Variants in LINGO2 observed in about 807,000 individuals in gnomAD.
LINGO2 encodes leucine rich repeat and Ig domain containing 2.
A neutral mutation model predicts 30.6 loss-of-function variants in LINGO2; 14 were observed. The ratio of observed to expected loss-of-function variants is 0.46; its 90% CI spans 0.30 to 0.72. The LOEUF is 0.72. Among genes scored for constraint, LINGO2 ranks in the 30% least tolerant of loss-of-function variants. LINGO2 has a pLI of 0.07. For synonymous variants in LINGO2, 317 were observed against 288.5 expected (o/e 1.10, Z -1.00); for missense variants, 729 against 751.7 (o/e 0.97, Z 0.35).
At chr9:28,568,101 C>T (rs941070444) in intron 1 of LINGO2, among the ~76,000 whole-genome samples, 26 of 152,090 alleles carry the variant, frequency 1.7e-4, no homozygotes, top group African/African-American at 6.3e-4. Flanking sequence ...CTACTCTCAT[C>T]TCCCCACAGT....
intron 5 of LINGO2, among the ~76,000 whole-genome samples, chr9:28,005,026 G>A (rs538851024): frequency 6.6e-6 from 1 of 152,290 alleles, no homozygotes; most frequent in Admixed American, 6.5e-5. Flanking sequence ...CGCAAGAAGA[G>A]GGGAAATGTC....
the LINGO2 span, among the ~76,000 whole-genome samples, chr9:28,972,520 T>C: frequency 3.3e-5 from 5 of 152,108 alleles, no homozygotes; most frequent in African/African-American, 1.2e-4. Flanking sequence ...AAAAATACTC[T>C]GAAGAATGCA....
At position 28,099,318 on chromosome 9, in the gene LINGO2, A is replaced by G. The variant is rs533143571; in HGVS notation, c.-86-86913T>C. ...AAATACAACAAAATATCAGCAAACA[A>G]AAAGGCTTTTTATTTTTGAAAAATA... On this transcript the variant is annotated intron_variant, in intron 4 of 5. Transcript: ENST00000379992. Among the ~76,000 whole-genome samples, 99 of 152,288 alleles carry G rather than the reference A, an allele frequency of 6.5e-4. 1 individual carries two copies. The highest frequency in any genetic ancestry group is 2.3e-3 in the African/African-American group (95 of 41,574).
At chr9:28,166,536 G>T (rs1367413321) in intron 4 of LINGO2, among the ~76,000 whole-genome samples, 1 of 152,138 alleles carries the variant, frequency 6.6e-6, no homozygotes, top group Non-Finnish European at 1.5e-5. Context: ...GACAGTGAAG[G>T]AAGAATATGA....
intron 3 of LINGO2, among the ~76,000 whole-genome samples, chr9:28,340,107 G>C (rs1199253043): frequency 6.6e-6 from 1 of 152,134 alleles, no homozygotes; most frequent in Non-Finnish European, 1.5e-5. Flanking sequence ...TAGAATGATA[G>C]TGAAGAGCAC....
chr9:28,847,568 T>G, the LINGO2 span, among the ~76,000 whole-genome samples: 1 of 146,482 alleles, frequency 6.8e-6, no homozygotes, highest in Non-Finnish European at 1.5e-5. Flanking sequence ...TTGAACTGAT[T>G]TTCTGCTTTG....
At chr9:29,031,206 T>G in the LINGO2 span, among the ~76,000 whole-genome samples, 3 of 152,040 alleles carry the variant, frequency 2.0e-5, no homozygotes, top group Non-Finnish European at 4.4e-5. Flanking sequence ...TTTTTCATGT[T>G]TGGTTCATAT....
At chr9:28,088,337 TATATAC>T (rs776540444) in intron 4 of LINGO2, among the ~76,000 whole-genome samples, 6 of 152,032 alleles carry the variant, frequency 3.9e-5, no homozygotes, top group Non-Finnish European at 8.8e-5. Flanking sequence ...CTGCTTCTAG[TATATAC>T]ATTTGGACCA....
At chr9:28,390,539 A>G (rs1821782389) in intron 2 of LINGO2, among the ~76,000 whole-genome samples, 1 of 151,664 alleles carries the variant, frequency 6.6e-6, no homozygotes, top group African/African-American at 2.4e-5. Flanking sequence ...ATACACACAG[A>G]GCAGAAATAG....
chr9:28,107,909 G>T (rs1826645657), intron 4 of LINGO2, among the ~76,000 whole-genome samples: 1 of 152,050 alleles, frequency 6.6e-6, no homozygotes, highest in South Asian at 2.1e-4. Flanking sequence ...TCCCTTCTAA[G>T]AAAAAGGCAG....
the LINGO2 span, chr9:27,937,975 G>A: frequency 6.6e-6 from 1 of 152,074 alleles, no homozygotes; most frequent in African/African-American, 2.4e-5. Context: ...ACAGAAAGCT[G>A]GGGAGTCAGA....
the LINGO2 span, among the ~76,000 whole-genome samples, chr9:28,983,979 A>T: frequency 6.6e-6 from 1 of 151,998 alleles, no homozygotes; most frequent in South Asian, 2.1e-4. Context: ...GTTTTCTCCA[A>T]TATGTAGGTA....
chr9:28,337,101 T>C (rs1301360110), intron 3 of LINGO2, among the ~76,000 whole-genome samples: 4 of 149,380 alleles, frequency 2.7e-5, no homozygotes, highest in Admixed American at 6.7e-5. Context: ...ATAAATATTA[T>C]ATATATAGAA....
At chr9:28,767,096 G>A in the LINGO2 span, among the ~76,000 whole-genome samples, 1 of 151,156 alleles carries the variant, frequency 6.6e-6, no homozygotes, top group African/African-American at 2.5e-5. Context: ...GGTGGGGTGG[G>A]TAATGGAGAG....
the LINGO2 span, among the ~76,000 whole-genome samples, chr9:29,006,608 T>C: frequency 6.6e-6 from 1 of 152,130 alleles, no homozygotes; most frequent in Non-Finnish European, 1.5e-5. Context: ...AGGAACACTT[T>C]ACTTTTGCTT....
At chr9:28,086,218 C>T (rs1246450978) in intron 4 of LINGO2, among the ~76,000 whole-genome samples, 3 of 152,012 alleles carry the variant, frequency 2.0e-5, no homozygotes, top group African/African-American at 7.2e-5. Flanking sequence ...AAAAAATCCA[C>T]ACGTCTCTGA....
At chr9:28,307,737 G>T (rs944935156) in intron 3 of LINGO2, among the ~76,000 whole-genome samples, 4 of 152,080 alleles carry the variant, frequency 2.6e-5, no homozygotes, top group African/African-American at 9.7e-5. Flanking sequence ...CAAATTCTCA[G>T]GATACAAAAT....
At chr9:28,346,138 T>A (rs1819557491) in intron 3 of LINGO2, among the ~76,000 whole-genome samples, 1 of 152,084 alleles carries the variant, frequency 6.6e-6, no homozygotes, top group Non-Finnish European at 1.5e-5. Flanking sequence ...GGGTTTGTGG[T>A]AGAGATTATT....
At chr9:29,055,237 A>G in the LINGO2 span, among the ~76,000 whole-genome samples, 54 of 152,296 alleles carry the variant, frequency 3.5e-4, no homozygotes, top group African/African-American at 1.3e-3. Flanking sequence ...CAACAAAAGT[A>G]CAATGTATCA....
Sources: gnomAD v4.1 joint callset for allele counts (sites outside exome capture counted in the v4.1 genomes callset) on GRCh38, gnomAD v4.1.1 for gene constraint, MANE v1.5 for transcripts, NCBI Gene and HGNC (gene_info 2026-07-23, HGNC 2026-07-21) for gene names.